CDK8: variants seen among roughly 807,000 people sequenced by gnomAD.
The protein encoded by CDK8 is cyclin-dependent kinase 8.
A neutral mutation model predicts 71.5 loss-of-function variants in CDK8; 29 were observed. The ratio of observed to expected loss-of-function variants is 0.41; its 90% CI spans 0.30 to 0.55. CDK8 has a LOEUF of 0.55. CDK8 is among the 20% of genes least tolerant of loss of function. CDK8 has a pLI of 0.37. For missense variants in CDK8, 288 were observed against 572.6 expected (o/e 0.50, Z 5.07); for synonymous variants, 161 against 192.1 (o/e 0.84, Z 1.34).
At chr13:26,289,320 TG>T (rs1472479477) in intron 1 of CDK8, among the ~76,000 whole-genome samples, 1 of 152,186 alleles carries the variant, frequency 6.6e-6, no homozygotes, top group Admixed American at 6.5e-5. Flanking sequence ...CCCAAAGTGC[TG>T]GGATTACAGG....
At position 26,279,176 on chromosome 13, in the gene CDK8, G is replaced by A. The variant is rs139845289; in HGVS notation, c.128+24407G>A. ...TGGGGGTGGTTCTTTACAGAAGGAT[G>A]CCAGTTGATAAAATGTAGAAGGAAT... On this transcript the variant is annotated intron_variant, in intron 1 of 12. Coordinates refer to ENST00000381527, the MANE Select transcript of CDK8 (RefSeq NM_001260.3). Among the ~76,000 whole-genome samples the A allele has an allele frequency of 7.4e-3, 1,131 of 152,168 alleles. 12 individuals are homozygous for A. Among genetic ancestry groups the A allele is most frequent in the South Asian group, 0.032 (152 of 4,810 alleles).
At chr13:26,306,501 C>A (rs1262241013) in intron 1 of CDK8, among the ~76,000 whole-genome samples, 1 of 151,782 alleles carries the variant, frequency 6.6e-6, no homozygotes, top group African/African-American at 2.4e-5. Context: ...AATATGAATC[C>A]TTTTTCTTTC....
intron 1 of CDK8, among the ~76,000 whole-genome samples, chr13:26,267,568 C>T (rs142476783): frequency 1.7e-3 from 265 of 152,066 alleles, no homozygotes; most frequent in African/African-American, 5.7e-3. Context: ...AATGCATGAC[C>T]GTGGAAAAAA....
At position 26,298,535 on chromosome 13, in the gene CDK8, C is replaced by T. The variant is rs184192834; in HGVS notation, c.129-39032C>T. 2.5e-3 allele frequency among the ~76,000 whole-genome samples: 385 copies of T among 152,218 alleles called. 4 individuals carry two copies. The highest frequency in any genetic ancestry group is 4.1e-4 in the Non-Finnish European group (28 of 68,022). ...GCCCCTCAAAGAAAGGTTGAAATTCCTCAGGTTGAACACACAAAATTCAGT... is the reference window on the plus strand; with the variant it reads ...GCCCCTCAAAGAAAGGTTGAAATTCTTCAGGTTGAACACACAAAATTCAGT... On this transcript the variant is annotated intron_variant, in intron 1 of 12. Coordinates refer to ENST00000381527, the MANE Select transcript of CDK8 (RefSeq NM_001260.3).
chr13:26,321,775 C>A (rs1052897944), intron 1 of CDK8, among the ~76,000 whole-genome samples: 1 of 151,764 alleles, frequency 6.6e-6, no homozygotes, highest in Admixed American at 6.6e-5. Context: ...CTTTATGTAG[C>A]TTTATGTCTG....
intron 1 of CDK8, among the ~76,000 whole-genome samples, chr13:26,282,794 A>T (rs1191253457): frequency 6.6e-6 from 1 of 152,342 alleles, no homozygotes; most frequent in African/African-American, 2.4e-5. Flanking sequence ...AAGTCCACCA[A>T]CTAAGTATCT....
chr13:26,361,324 CATAAT>C (rs1874127949), intron 4 of CDK8, among the ~76,000 whole-genome samples: 1 of 152,156 alleles, frequency 6.6e-6, no homozygotes, highest in South Asian at 2.1e-4. Flanking sequence ...TATTACTTGT[CATAAT>C]ATATTTATGG....
chr13:26,328,238 A>G (rs873341), intron 1 of CDK8, among the ~76,000 whole-genome samples: 126,038 of 152,106 alleles, frequency 0.83, 53,932 homozygotes, highest in East Asian at 0.99. Flanking sequence ...TAAGATAATT[A>G]AATCTTAGAC....
At chr13:26,398,855 T>C (rs1023379279) in intron 9 of CDK8, among the ~76,000 whole-genome samples, 1 of 151,120 alleles carries the variant, frequency 6.6e-6, no homozygotes, top group African/African-American at 2.4e-5. Context: ...TCCCAGCTAC[T>C]CGGGAGGTTG....
At chr13:26,380,233 G>T (rs1158740554) in intron 4 of CDK8, among the ~76,000 whole-genome samples, 1 of 152,152 alleles carries the variant, frequency 6.6e-6, no homozygotes, top group African/African-American at 2.4e-5. Flanking sequence ...AGGCTGGAGT[G>T]CAATGTCCTG....
rs548502131 is a variant in CDK8 at position 26,317,888 on chromosome 13, A to G, written c.129-19679A>G. ...CCTAAGGAGCTAGAAAAAGAAGAAC[A>G]AACTAAACCCAAAGCTGGCAAAAGG... On this transcript the variant is annotated intron_variant, in intron 1 of 12. Coordinates refer to ENST00000381527, the MANE Select transcript of CDK8 (RefSeq NM_001260.3). 2.0e-5 allele frequency among the ~76,000 whole-genome samples: 3 copies of G among 152,256 alleles called. No individual in the cohort carries two copies. The East Asian group carries it at 5.8e-4, about 29-fold the overall frequency.
chr13:26,302,990 G>T (rs608886), intron 1 of CDK8, among the ~76,000 whole-genome samples: 38,508 of 152,068 alleles, frequency 0.25, 5,600 homozygotes, highest in East Asian at 0.44. Flanking sequence ...ACTGTGCCTG[G>T]CTGGTTTGTT....
At chr13:26,337,250 G>A (rs1029008687) in intron 1 of CDK8, among the ~76,000 whole-genome samples, 3 of 152,286 alleles carry the variant, frequency 2.0e-5, no homozygotes, top group East Asian at 1.9e-4. Flanking sequence ...TTTTATATGT[G>A]TGTGTTATGT....
At chr13:26,271,231 G>A (rs1412659524) in intron 1 of CDK8, among the ~76,000 whole-genome samples, 2 of 152,126 alleles carry the variant, frequency 1.3e-5, no homozygotes, top group Non-Finnish European at 2.9e-5. Context: ...TATATGATTT[G>A]CAAATACAGT....
intron 1 of CDK8, among the ~76,000 whole-genome samples, chr13:26,322,090 A>G (rs1745288077): frequency 6.6e-6 from 1 of 152,148 alleles, no homozygotes; most frequent in African/African-American, 2.4e-5. Flanking sequence ...CACTGATTGA[A>G]TATTTGCTTA....
intron 4 of CDK8, among the ~76,000 whole-genome samples, chr13:26,359,355 T>C (rs568422582): frequency 4.6e-5 from 7 of 152,330 alleles, no homozygotes; most frequent in Admixed American, 4.6e-4. Flanking sequence ...ATAAATTTTA[T>C]GTTACGTGTA....
chr13:26,389,661 G>A (rs1020257133), intron 6 of CDK8, among the ~76,000 whole-genome samples: 16 of 151,980 alleles, frequency 1.1e-4, no homozygotes, highest in African/African-American at 3.9e-4. Context: ...TTGAAACATT[G>A]ATTCAAAATT....
At chr13:26,294,132 C>CTTTTTTTTTTTTTTTTTTTTTTTTTTT in intron 1 of CDK8, among the ~76,000 whole-genome samples, 1 of 147,134 alleles carries the variant, frequency 6.8e-6, no homozygotes, top group Admixed American at 6.8e-5. Flanking sequence ...TATTCTGCAC[C>CTTTTTTTTTTTTTTTTTTTTTTTTTTT]TTTTTTTTTT....
intron 1 of CDK8, among the ~76,000 whole-genome samples, chr13:26,276,097 G>A (rs971113886): frequency 6.6e-6 from 1 of 152,138 alleles, no homozygotes; most frequent in Middle Eastern, 3.2e-3. Context: ...TCTTGACCTC[G>A]TGATCTGCCT....
Sources: allele counts gnomAD v4.1 joint callset (sites outside exome capture counted in the v4.1 genomes callset), GRCh38; gene constraint gnomAD v4.1.1; transcripts MANE v1.5; gene names NCBI Gene and HGNC (gene_info 2026-07-23, HGNC 2026-07-21).